Variants in ERAP1 observed in about 807,000 individuals in gnomAD.
The protein encoded by ERAP1 is endoplasmic reticulum aminopeptidase 1.
ERAP1 carries 86 observed loss-of-function variants against 103.7 expected under a neutral mutation model. The ratio of observed to expected loss-of-function variants is 0.83; its 90% CI spans 0.70 to 0.99. The LOEUF (loss-of-function observed/expected upper bound fraction) is 0.99. Ranked by LOEUF, ERAP1 falls within the 50% of genes least tolerant of loss-of-function variation. ERAP1 has a pLI of 0.00. For missense variants in ERAP1, 1,009 were observed against 1,128.4 expected (o/e 0.89, Z 1.52); for synonymous variants, 398 against 402.4 (o/e 0.99, Z 0.13).
the ERAP1 span, among the ~76,000 whole-genome samples, chr5:96,847,742 T>TAA: frequency 6.6e-6 from 1 of 151,892 alleles, no homozygotes; most frequent in Non-Finnish European, 1.5e-5. Context: ...AAGAAGAAAT[T>TAA]AAAAGGGAAA....
chr5:96,780,072 C>T lies in ERAP1; in HGVS notation c.2670+351G>A, dbSNP rs192560715. ...GATGGTTTATAAAGAACCTAGATTC[C>T]GGACCTGCCTCTTTAGCAACAGCTG... On this transcript the variant is annotated intron_variant, in intron 18 of 18. Transcript: ENST00000443439. Among the ~76,000 whole-genome samples the T allele has an allele frequency of 5.9e-5, 9 of 152,264 alleles. No individual in the cohort carries two copies. In the East Asian group the frequency reaches 1.2e-3, roughly 20 times the overall value.
rs202098147 is a variant in ERAP1, at chr5:96,790,599, G to A, written c.1365C>T (p.Asp455=). The change falls in exon 9 of 19, where the codon GAC becomes GAT. Residue 455 remains aspartate (D), a synonymous_variant. Coordinates refer to ENST00000443439, the MANE Select transcript of ERAP1 (RefSeq NM_001040458.3). The part of the protein sequence containing the change: ...LNMLREYLSA[D]AFKSGIVQYL... The stretch of plus-strand genomic sequence containing the variant: ...ACTGTACAATACCACTTTTAAATGC[G>A]TCAGCACTAAGATACTCCCTTAGCA... The A allele has an allele frequency of 2.1e-5, 34 of 1,611,694 alleles. No individual in the cohort carries two copies. The highest frequency in any genetic ancestry group is 2.4e-5 in the Non-Finnish European group (28 of 1,177,836).
the ERAP1 span, among the ~76,000 whole-genome samples, chr5:96,927,056 A>T: frequency 1.3e-5 from 2 of 152,112 alleles, no homozygotes; most frequent in African/African-American, 4.8e-5. Flanking sequence ...AACTCAAGTG[A>T]TCCATCCACC....
chr5:96,852,963 A>G, the ERAP1 span, among the ~76,000 whole-genome samples: 99,771 of 151,934 alleles, frequency 0.66, 33,522 homozygotes, highest in South Asian at 0.74. Context: ...CAATGAGGCA[A>G]AGTGACAAGT....
At chr5:96,879,452 C>T in the ERAP1 span, 3 of 445,542 alleles carry the variant, frequency 6.7e-6, no homozygotes, top group Non-Finnish European at 1.2e-5. Context: ...TGGCCTAATT[C>T]TGACAGAGAG....
the ERAP1 span, among the ~76,000 whole-genome samples, chr5:96,841,058 T>C: frequency 2.6e-5 from 4 of 152,210 alleles, no homozygotes; most frequent in Non-Finnish European, 5.9e-5. Flanking sequence ...CCGTCAGTCA[T>C]GACCACTGGG....
chr5:96,908,034 A>C, the ERAP1 span, among the ~76,000 whole-genome samples: 1 of 152,208 alleles, frequency 6.6e-6, no homozygotes. Context: ...AAGGGACAAC[A>C]AAAGTTGGTT....
the ERAP1 span, among the ~76,000 whole-genome samples, chr5:96,916,601 C>T: frequency 6.6e-6 from 1 of 151,170 alleles, no homozygotes; most frequent in African/African-American, 2.4e-5. Context: ...GTAGCTGGGA[C>T]TACAGGAGGC....
At chr5:96,870,165 G>A in the ERAP1 span, among the ~76,000 whole-genome samples, 1 of 152,158 alleles carries the variant, frequency 6.6e-6, no homozygotes, top group Admixed American at 6.5e-5. Flanking sequence ...TGAGAGTAAT[G>A]AGAAAGGCAG....
the ERAP1 span, chr5:96,900,350 G>T: frequency 9.0e-7 from 1 of 1,105,234 alleles, no homozygotes; most frequent in Non-Finnish European, 1.2e-6. Context: ...AAATGCTTGG[G>T]GTATTTAGGG....
At chr5:96,870,464 C>T in the ERAP1 span, among the ~76,000 whole-genome samples, 8 of 151,084 alleles carry the variant, frequency 5.3e-5, no homozygotes, top group East Asian at 3.8e-4. Context: ...TAATAAGATA[C>T]GAAATCATAG....
chr5:96,837,420 C>G, the ERAP1 span, among the ~76,000 whole-genome samples: 1 of 152,184 alleles, frequency 6.6e-6, no homozygotes, highest in Admixed American at 6.5e-5. Flanking sequence ...CCTTCGTGGG[C>G]GGGAACTGGA....
the ERAP1 span, among the ~76,000 whole-genome samples, chr5:96,872,471 C>G: frequency 6.6e-6 from 1 of 152,100 alleles, no homozygotes; most frequent in Admixed American, 6.6e-5. Flanking sequence ...TGGTAGTGCA[C>G]ACCTGTAGCC....
intron 15 of ERAP1, 100 bp from the exon 16 acceptor site, chr5:96,781,954 C>T: frequency 1.8e-6 from 2 of 1,142,272 alleles, no homozygotes; most frequent in Admixed American, 1.8e-5. Flanking sequence ...TCCCCATGAT[C>T]AGAGAAGCAT....
chr5:96,896,241 A>G, the ERAP1 span: 1 of 694,572 alleles, frequency 1.4e-6, no homozygotes, highest in Non-Finnish European at 2.3e-6. Context: ...TACATACAAG[A>G]AAAGAAACAT....
the ERAP1 span, chr5:96,889,412 A>G: frequency 3.2e-6 from 4 of 1,253,222 alleles, no homozygotes; most frequent in Non-Finnish European, 4.7e-6. Context: ...TGAGGAATTC[A>G]GTTAGCTCAG....
the ERAP1 span, among the ~76,000 whole-genome samples, chr5:96,838,753 T>G: frequency 3.3e-5 from 5 of 152,148 alleles, no homozygotes; most frequent in Non-Finnish European, 7.3e-5. Context: ...GTGACAGAAC[T>G]AGGTTTGAGC....
At chr5:96,810,326 A>T (rs1262951480), upstream of ERAP1, among the ~76,000 whole-genome samples, 1 of 152,226 alleles carries the variant, frequency 6.6e-6, no homozygotes, top group Non-Finnish European at 1.5e-5. Flanking sequence ...AGAAATGGTT[A>T]GAAGGAAGGG....
At chr5:96,907,801 T>G in the ERAP1 span, among the ~76,000 whole-genome samples, 2 of 152,010 alleles carry the variant, frequency 1.3e-5, no homozygotes. Context: ...GAGAATTGCT[T>G]GAACCCAGGA....
Sources: allele counts gnomAD v4.1 joint callset (sites outside exome capture counted in the v4.1 genomes callset), GRCh38; gene constraint gnomAD v4.1.1; transcripts MANE v1.5; gene names NCBI Gene and HGNC (gene_info 2026-07-23, HGNC 2026-07-21).